Variants in CTNNA3 observed in about 807,000 individuals in gnomAD.
CTNNA3 encodes catenin alpha-3.
A neutral mutation model predicts 95.7 loss-of-function variants in CTNNA3; 76 were observed. The observed-to-expected ratio is 0.79, with a 90% confidence interval of 0.66 to 0.96. The LOEUF (loss-of-function observed/expected upper bound fraction) is 0.96. Ranked by LOEUF, CTNNA3 falls within the 40% of genes least tolerant of loss-of-function variation. The pLI, the probability that CTNNA3 is intolerant of heterozygous loss-of-function variation, is 0.00. For synonymous variants in CTNNA3, 431 were observed against 374.4 expected (o/e 1.15, Z -1.74); for missense variants, 1,191 against 1,089.8 (o/e 1.09, Z -1.31).
At chr10:66,254,515 CT>C (rs1309056449) in intron 13 of CTNNA3, among the ~76,000 whole-genome samples, 1 of 152,196 alleles carries the variant, frequency 6.6e-6, no homozygotes, top group African/African-American at 2.4e-5. Flanking sequence ...ACACTCAGTC[CT>C]CCCTTGCTGA....
chr10:66,642,224 C>G (rs570328826), intron 9 of CTNNA3, among the ~76,000 whole-genome samples: 7 of 150,340 alleles, frequency 4.7e-5, no homozygotes, highest in African/African-American at 1.5e-4. Flanking sequence ...TCAGAAAATT[C>G]TGCAATTAAA....
intron 5 of CTNNA3, among the ~76,000 whole-genome samples, chr10:67,325,613 G>T (rs1841507158): frequency 6.6e-6 from 1 of 152,028 alleles, no homozygotes; most frequent in African/African-American, 2.4e-5. Context: ...TATGATTTCA[G>T]TTCTTTTGCA....
At chr10:66,093,566 G>A (rs1470308239) in intron 14 of CTNNA3, among the ~76,000 whole-genome samples, 2 of 151,906 alleles carry the variant, frequency 1.3e-5, no homozygotes, top group Non-Finnish European at 2.9e-5. Context: ...AGAAACACAA[G>A]GATCATTGTA....
At chr10:66,367,972 C>T (rs978101524) in intron 12 of CTNNA3, among the ~76,000 whole-genome samples, 1 of 148,634 alleles carries the variant, frequency 6.7e-6, no homozygotes, top group Admixed American at 6.7e-5. Context: ...GGATCCATTG[C>T]TTTCTGGATC....
intron 17 of CTNNA3, among the ~76,000 whole-genome samples, chr10:65,953,882 C>G (rs186894192): frequency 6.6e-6 from 1 of 151,966 alleles, no homozygotes; most frequent in Non-Finnish European, 1.5e-5. Flanking sequence ...ATGATTTATA[C>G]TCCTTTGGGT....
intron 2 of CTNNA3, among the ~76,000 whole-genome samples, chr10:67,625,431 A>G (rs1203331040): frequency 6.6e-6 from 1 of 152,176 alleles, no homozygotes; most frequent in Non-Finnish European, 1.5e-5. Flanking sequence ...CATGAGAACT[A>G]CATCATCTTC....
intron 7 of CTNNA3, chr10:67,054,521 T>A (rs1855305649): frequency 6.6e-6 from 1 of 152,146 alleles, no homozygotes; most frequent in South Asian, 2.1e-4. Context: ...ATGGCGACTT[T>A]TTAAAGTAAA....
intron 7 of CTNNA3, among the ~76,000 whole-genome samples, chr10:66,979,992 GA>G (rs1249928962): frequency 6.6e-6 from 1 of 152,162 alleles, no homozygotes; most frequent in Admixed American, 6.6e-5. Context: ...GTGTTCAAAA[GA>G]AGAGGAAGGA....
chr10:67,071,041 G>A (rs940454045), intron 7 of CTNNA3, among the ~76,000 whole-genome samples: 3 of 152,078 alleles, frequency 2.0e-5, no homozygotes, highest in Admixed American at 1.3e-4. Flanking sequence ...GCTAAACCTA[G>A]AAGTTTTAAA....
At chr10:66,848,015 G>A (rs1044723371) in intron 7 of CTNNA3, among the ~76,000 whole-genome samples, 11 of 152,144 alleles carry the variant, frequency 7.2e-5, no homozygotes, top group African/African-American at 2.4e-4. Flanking sequence ...GGGAGGAAAC[G>A]AGAGTGATGT....
intron 7 of CTNNA3, among the ~76,000 whole-genome samples, chr10:66,978,541 A>ATAAAATAAAAATAAAAAAAATAAAAT (rs1437563245): frequency 5.4e-5 from 6 of 111,194 alleles, no homozygotes; most frequent in Non-Finnish European, 9.3e-5. Flanking sequence ...AAAAAAAAAA[A>ATAAAATAAAAATAAAAAAAATAAAAT]AAAAAAAAAA....
intron 7 of CTNNA3, among the ~76,000 whole-genome samples, chr10:66,832,093 C>G (rs1322355086): frequency 6.6e-6 from 1 of 152,204 alleles, no homozygotes; most frequent in Non-Finnish European, 1.5e-5. Flanking sequence ...CCCAGAAGCA[C>G]TGCAAACCAC....
At chr10:67,043,735 A>T (rs1854552649) in intron 7 of CTNNA3, among the ~76,000 whole-genome samples, 1 of 151,966 alleles carries the variant, frequency 6.6e-6, no homozygotes, top group Admixed American at 6.6e-5. Context: ...TTCATCTATC[A>T]TTGGTATTTG....
intron 15 of CTNNA3, among the ~76,000 whole-genome samples, chr10:66,043,708 T>C (rs1035562097): frequency 6.6e-6 from 1 of 152,160 alleles, no homozygotes; most frequent in Non-Finnish European, 1.5e-5. Flanking sequence ...ATTACAAATC[T>C]GAGAGATTAT....
intron 9 of CTNNA3, among the ~76,000 whole-genome samples, chr10:66,689,144 C>CA: frequency 6.6e-6 from 1 of 151,880 alleles, no homozygotes; most frequent in East Asian, 1.9e-4. Flanking sequence ...ATTAATCATC[C>CA]AAAATTAGGA....
At chr10:66,447,269 C>A (rs1375166817) in intron 11 of CTNNA3, among the ~76,000 whole-genome samples, 1 of 151,960 alleles carries the variant, frequency 6.6e-6, no homozygotes, top group Non-Finnish European at 1.5e-5. Context: ...TTATAGATTC[C>A]ATGCCATCCT....
At chr10:66,804,513 T>C (rs1189553116) in intron 7 of CTNNA3, among the ~76,000 whole-genome samples, 1 of 152,076 alleles carries the variant, frequency 6.6e-6, no homozygotes, top group Non-Finnish European at 1.5e-5. Context: ...ATGTCTACAA[T>C]ATACACTTTA....
At chr10:65,986,003 A>G (rs936776009) in intron 16 of CTNNA3, among the ~76,000 whole-genome samples, 1 of 151,572 alleles carries the variant, frequency 6.6e-6, no homozygotes, top group Non-Finnish European at 1.5e-5. Flanking sequence ...CTATCTAACT[A>G]TATTTCTGTA....
At chr10:66,995,404 G>T (rs540338219) in intron 7 of CTNNA3, among the ~76,000 whole-genome samples, 5 of 152,104 alleles carry the variant, frequency 3.3e-5, no homozygotes, top group African/African-American at 9.6e-5. Flanking sequence ...CTCTTACATG[G>T]CCCATGGTAG....
Sources: gnomAD v4.1 joint callset for allele counts (sites outside exome capture counted in the v4.1 genomes callset) on GRCh38, gnomAD v4.1.1 for gene constraint, MANE v1.5 for transcripts, NCBI Gene and HGNC (gene_info 2026-07-23, HGNC 2026-07-21) for gene names.